KAZN: variants seen among roughly 807,000 people sequenced by gnomAD.
The protein encoded by KAZN is kazrin.
Under a neutral mutation model 87.4 loss-of-function variants are expected in KAZN, and 40 were observed. The ratio of observed to expected loss-of-function variants is 0.46; its 90% CI spans 0.36 to 0.60. The LOEUF is 0.60. Ranked by LOEUF, KAZN falls within the 20% of genes least tolerant of loss-of-function variation. The pLI, the probability that KAZN is intolerant of heterozygous loss-of-function variation, is 0.00. For missense variants in KAZN, 898 were observed against 1,073.9 expected, an observed-to-expected ratio of 0.84 and a Z score of 2.29; for synonymous variants, 466 against 458.3, an observed-to-expected ratio of 1.02 and a Z score of -0.22.
intron 1 of KAZN, among the ~76,000 whole-genome samples, chr1:14,090,973 A>C (rs1483503725): frequency 6.6e-6 from 1 of 151,986 alleles, no homozygotes; most frequent in Non-Finnish European, 1.5e-5. Flanking sequence ...TTAGCTGGGC[A>C]TGGTGGCACA....
chr1:14,179,106 T>C (rs1646142652), intron 1 of KAZN, among the ~76,000 whole-genome samples: 1 of 152,164 alleles, frequency 6.6e-6, no homozygotes, highest in African/African-American at 2.4e-5. Flanking sequence ...TTGCTGGTCA[T>C]GTAGAGTTTT....
chr1:14,895,284 T>G (rs988060557), intron 1 of KAZN, among the ~76,000 whole-genome samples: 3 of 152,252 alleles, frequency 2.0e-5, no homozygotes, highest in Non-Finnish European at 4.4e-5. Context: ...GTGGCTTGCA[T>G]GCTGGGCACA....
chr1:14,783,705 G>A (rs1270545942), intron 1 of KAZN, among the ~76,000 whole-genome samples: 3 of 152,116 alleles, frequency 2.0e-5, no homozygotes, highest in East Asian at 1.9e-4. Context: ...TCACTCAGGC[G>A]GTGGCCTTGA....
At chr1:14,617,255 T>C (rs1476952268) in intron 1 of KAZN, among the ~76,000 whole-genome samples, 1 of 152,172 alleles carries the variant, frequency 6.6e-6, no homozygotes, top group Non-Finnish European at 1.5e-5. Context: ...AATATCGAAA[T>C]AAAGTGAGTC....
chr1:14,027,550 G>C lies in KAZN; in HGVS notation c.91+133794G>C, dbSNP rs192168599. On this transcript the variant is annotated intron_variant, in intron 1 of 16. Coordinates refer to the KAZN transcript ENST00000636203. ...CCAAATTAGGAGCACATCAGAGAAGGTTGCAATAGCTTCTAGCAAACTATA... is the reference window on the plus strand; with the variant it reads ...CCAAATTAGGAGCACATCAGAGAAGCTTGCAATAGCTTCTAGCAAACTATA... 4.7e-4 allele frequency among the ~76,000 whole-genome samples: 71 copies of C among 152,250 alleles called. 2 individuals are homozygous for C. In the South Asian group the frequency reaches 0.013, roughly 29 times the overall value.
chr1:14,687,549 A>G (rs1184295942), intron 1 of KAZN, among the ~76,000 whole-genome samples: 1 of 152,072 alleles, frequency 6.6e-6, no homozygotes, highest in Admixed American at 6.5e-5. Context: ...AGGCCCCAGC[A>G]AAGAGTCCAG....
chr1:14,472,389 G>A (rs1396255035), intron 2 of KAZN, among the ~76,000 whole-genome samples: 4 of 152,098 alleles, frequency 2.6e-5, no homozygotes, highest in African/African-American at 9.7e-5. Context: ...GTCTATTCAC[G>A]GTAATCATTC....
chr1:14,081,797 G>A (rs1397166077), intron 1 of KAZN, among the ~76,000 whole-genome samples: 1 of 152,120 alleles, frequency 6.6e-6, no homozygotes, highest in East Asian at 1.9e-4. Context: ...CTTTTGTCCA[G>A]TCTGGAGTGC....
At chr1:14,906,777 A>G (rs1262037948) in intron 1 of KAZN, among the ~76,000 whole-genome samples, 2 of 147,458 alleles carry the variant, frequency 1.4e-5, no homozygotes, top group Non-Finnish European at 3.0e-5. Context: ...GAGGTGGGGG[A>G]AAAAAACCAC....
At chr1:14,591,823 G>A (rs781505233) in intron 2 of KAZN, among the ~76,000 whole-genome samples, 2 of 152,148 alleles carry the variant, frequency 1.3e-5, no homozygotes, top group African/African-American at 2.4e-5. Context: ...CCATGTGTGC[G>A]TGTGTTTCAT....
intron 2 of KAZN, among the ~76,000 whole-genome samples, chr1:14,340,870 T>A (rs1488891976): frequency 6.7e-6 from 1 of 149,974 alleles, no homozygotes; most frequent in Non-Finnish European, 1.5e-5. Flanking sequence ...TATATCTCCG[T>A]AAGGGTCATG....
intron 2 of KAZN, among the ~76,000 whole-genome samples, chr1:14,481,002 A>G (rs1669052142): frequency 6.6e-6 from 1 of 151,320 alleles, no homozygotes; most frequent in Non-Finnish European, 1.5e-5. Context: ...AAAGGCAATG[A>G]TGACTATACA....
Position 15,115,972 on chromosome 1 carries a change from G to A in KAZN, c.*1337G>A, listed in dbSNP as rs1010178227. 3 of 152,166 alleles carry A rather than the reference G, an allele frequency of 2.0e-5. No homozygotes were observed. Among genetic ancestry groups the A allele is most frequent in the Non-Finnish European group, 2.9e-5 (2 of 68,036 alleles). 9.4% of individuals were successfully genotyped at this position (152,166 alleles called of 1,614,324 possible). A position where few individuals can be genotyped will look rare whatever the true frequency, so the allele number is the denominator to read the frequency against. On this transcript the variant is annotated 3_prime_UTR_variant, in exon 15 of 15. Coordinates refer to ENST00000376030, the MANE Select transcript of KAZN (RefSeq NM_201628.3). The surrounding 1 kb of genome is among the most constrained non-coding windows in gnomAD (Gnocchi z 4.1). ...AGTGTGCAAAAGGAAGAAAAGAAAT[G>A]TTTAATGTTCAGACCTGCCAAGAGC...
Position 15,095,651 on chromosome 1 carries a change from C to T in KAZN, c.1547+718C>T, listed in dbSNP as rs1257085006. ...TGAGAATGTGGAGAGGGGAAGAACTCGCTTTGTAAATCTGACACTTCTGTT... is the reference window on the plus strand; with the variant it reads ...TGAGAATGTGGAGAGGGGAAGAACTTGCTTTGTAAATCTGACACTTCTGTT... On this transcript the variant is annotated intron_variant, in intron 10 of 14. Coordinates refer to ENST00000376030, the MANE Select transcript of KAZN (RefSeq NM_201628.3). Among the ~76,000 whole-genome samples the T allele has an allele frequency of 4.1e-5, 6 of 144,598 alleles. No homozygotes were observed. The East Asian group carries it at 1.1e-3, about 28-fold the overall frequency. 94.9% of individuals were successfully genotyped at this position (144,598 alleles called of 152,430 possible).
chr1:14,589,398 C>T (rs980595371), intron 2 of KAZN, among the ~76,000 whole-genome samples: 2 of 151,770 alleles, frequency 1.3e-5, no homozygotes, highest in Non-Finnish European at 2.9e-5. Flanking sequence ...ACCTGGCTGG[C>T]TATAGACACA....
rs1187875556 is a variant in KAZN at position 15,103,374 on chromosome 1, C to T, written c.1795C>T (p.Arg599Trp). 2 of 1,551,514 alleles carry T rather than the reference C, an allele frequency of 1.3e-6. No individual in the cohort carries two copies. Among genetic ancestry groups the T allele is most frequent in the African/African-American group, 1.4e-5 (1 of 73,052 alleles). ...NFSREALQER[R>W]ARCETQNIDP... ...TCCCCACAAGGCCCTCCAGGAGCGC[C>T]GGGCCCGCTGCGAGACGCAGAACAT... The change falls in exon 12 of 15, where the codon CGG becomes TGG. Residue 599 changes from arginine (R) to tryptophan (W), a missense_variant. Arg to Trp is a moderately radical substitution (Grantham distance 101). Around this residue, in one of 3 missense-constraint regions of KAZN, gnomAD observed 521 missense variants for 689.4 expected, o/e 0.76. Transcript: ENST00000376030.
chr1:14,157,530 C>T (rs367807184), intron 1 of KAZN, among the ~76,000 whole-genome samples: 21 of 152,194 alleles, frequency 1.4e-4, no homozygotes, highest in Middle Eastern at 3.4e-3. Flanking sequence ...TTTCCTTCAG[C>T]GCTTTAAATA....
chr1:14,788,004 C>T (rs773187869), intron 1 of KAZN, among the ~76,000 whole-genome samples: 5 of 152,192 alleles, frequency 3.3e-5, no homozygotes, highest in Non-Finnish European at 7.3e-5. Context: ...ACAGGAATGG[C>T]TCTGTACAGG....
intron 2 of KAZN, among the ~76,000 whole-genome samples, chr1:14,347,201 T>G (rs1200809273): frequency 1.3e-5 from 2 of 152,202 alleles, no homozygotes; most frequent in Non-Finnish European, 2.9e-5. Context: ...GACGTGTATG[T>G]GTAAGGGCTA....
Sources: allele counts gnomAD v4.1 joint callset (sites outside exome capture counted in the v4.1 genomes callset), GRCh38; gene constraint gnomAD v4.1.1; regional missense constraint gnomAD v4.1.1; non-coding constraint Gnocchi (gnomAD v3.1); transcripts MANE v1.5; gene names NCBI Gene and HGNC (gene_info 2026-07-23, HGNC 2026-07-21).